N4BP1: variants seen among roughly 807,000 people sequenced by gnomAD.
N4BP1 encodes the protein NEDD4-binding protein 1.
In N4BP1, 21 loss-of-function variants were observed where a neutral mutation model predicts 70.9. That is an observed-to-expected ratio of 0.30 (90% CI 0.21 to 0.43). N4BP1 has a LOEUF of 0.43. Ranked by LOEUF, N4BP1 falls within the 20% of genes least tolerant of loss-of-function variation. The probability of loss-of-function intolerance (pLI) is 1.00; values close to 1 mark genes in which losing one functional copy is unlikely to be tolerated. For missense variants in N4BP1, 936 were observed against 1,069.4 expected (o/e 0.88, Z 1.74); for synonymous variants, 387 against 394.6 (o/e 0.98, Z 0.23).
intron 2 of N4BP1, among the ~76,000 whole-genome samples, chr16:48,558,741 C>A (rs1963796190): frequency 6.6e-6 from 1 of 152,250 alleles, no homozygotes; most frequent in Non-Finnish European, 1.5e-5. Flanking sequence ...TTGTTCCGGG[C>A]TTGGGGTGTG....
At position 48,540,598 on chromosome 16, in the gene N4BP1, C is replaced by A. The variant is rs1367775060; in HGVS notation, c.*2306G>T. 2 of 152,390 alleles carry A rather than the reference C, an allele frequency of 1.3e-5. No homozygotes were observed. Among genetic ancestry groups the A allele is most frequent in the Non-Finnish European group, 2.9e-5 (2 of 68,152 alleles). The allele number at this position is 152,390 out of a possible 1,614,324, so 9.4% of individuals were successfully genotyped here. A position where few individuals can be genotyped will look rare whatever the true frequency, so the allele number is the denominator to read the frequency against. ...GAAGAATGTAGGCCCAGGAATCACC[C>A]AGCCCCTCAGGACAACCTCTCTGAG... On this transcript the variant is annotated 3_prime_UTR_variant, in exon 7 of 7. Transcript: ENST00000262384.
intron 1 of N4BP1, chr16:48,577,491 C>T (rs1290886500): frequency 1.3e-5 from 2 of 156,154 alleles, no homozygotes; most frequent in Non-Finnish European, 2.9e-5. Context: ...TCTTAACAGG[C>T]ATAATTCACT....
At chr16:48,608,487 C>A (rs547152462) in intron 1 of N4BP1, among the ~76,000 whole-genome samples, 1 of 152,282 alleles carries the variant, frequency 6.6e-6, no homozygotes, top group Admixed American at 6.5e-5. Flanking sequence ...GCCCTTCCTG[C>A]CCACCCCGCA....
At chr16:48,606,296 A>G (rs1964581758) in intron 1 of N4BP1, among the ~76,000 whole-genome samples, 1 of 152,108 alleles carries the variant, frequency 6.6e-6, no homozygotes, top group Non-Finnish European at 1.5e-5. Flanking sequence ...CCTCATGCCC[A>G]AGGCTAACTT....
In N4BP1 at chr16:48,562,003, C is replaced by T; in HGVS notation, c.640G>A (p.Glu214Lys). Reference protein sequence around the residue: ...VIEMRDSQQTEFTQNAATGLN... With the variant: ...VIEMRDSQQTKFTQNAATGLN... ...CCTGTGGCAGCATTCTGTGTAAACT[C>T]TGTTTGTTGAGAATCTCTCATTTCA... Residue 214 changes from glutamate to lysine, a missense_variant, in exon 2 of 7, where the codon GAG becomes AAG. Coordinates refer to ENST00000262384, the MANE Select transcript of N4BP1 (RefSeq NM_153029.4). 6.2e-7 allele frequency: 1 copy of T among 1,613,900 alleles called. No individual in the cohort carries two copies. Among genetic ancestry groups the T allele is most frequent in the Non-Finnish European group, 8.5e-7 (1 of 1,179,882 alleles).
chr16:48,597,137 T>C (rs1361898807), intron 1 of N4BP1, among the ~76,000 whole-genome samples: 2 of 152,188 alleles, frequency 1.3e-5, no homozygotes, highest in African/African-American at 2.4e-5. Flanking sequence ...TATGGGGAAA[T>C]TGATTTGAGT....
At chr16:48,581,440 C>A (rs529771740) in intron 1 of N4BP1, among the ~76,000 whole-genome samples, 89 of 152,168 alleles carry the variant, frequency 5.8e-4, no homozygotes, top group African/African-American at 2.0e-3. Flanking sequence ...AAGACATCCA[C>A]ACTAGAAAGA....
intron 1 of N4BP1, among the ~76,000 whole-genome samples, chr16:48,580,136 T>C (rs1326565072): frequency 6.6e-6 from 1 of 151,710 alleles, no homozygotes; most frequent in Non-Finnish European, 1.5e-5. Context: ...ACAGAGACTA[T>C]AAAAATAGAA....
Position 48,540,470 on chromosome 16 carries a change from C to G in N4BP1, c.*2434G>C, listed in dbSNP as rs889517916. The G allele has an allele frequency of 6.6e-6, 1 of 152,414 alleles. No homozygotes were observed. The highest frequency in any genetic ancestry group is 1.5e-5 in the Non-Finnish European group (1 of 68,122). 9.4% of individuals were successfully genotyped at this position (152,414 alleles called of 1,614,324 possible). Reference sequence around the variant, plus strand: ...CCGGCCGCCCAGGATGGCCCAGACACCTTCTGTCTCCTGAATGCAGCCTAC... The same window carrying G: ...CCGGCCGCCCAGGATGGCCCAGACAGCTTCTGTCTCCTGAATGCAGCCTAC... On this transcript the variant is annotated 3_prime_UTR_variant, in exon 7 of 7. Coordinates refer to ENST00000262384, the MANE Select transcript of N4BP1 (RefSeq NM_153029.4).
At chr16:48,607,851 G>A (rs1383115420) in intron 1 of N4BP1, among the ~76,000 whole-genome samples, 2 of 140,306 alleles carry the variant, frequency 1.4e-5, no homozygotes, top group African/African-American at 5.4e-5. Context: ...CTACAATGCT[G>A]GCTTTCTGAT....
chr16:48,571,244 A>G (rs1223000670), intron 1 of N4BP1, among the ~76,000 whole-genome samples: 2 of 152,210 alleles, frequency 1.3e-5, no homozygotes, highest in South Asian at 4.1e-4. Context: ...AAAGTTGATC[A>G]TATCTCCTCC....
At chr16:48,586,638 AAGTAG>A (rs1964249841) in intron 1 of N4BP1, among the ~76,000 whole-genome samples, 1 of 152,198 alleles carries the variant, frequency 6.6e-6, no homozygotes, top group African/African-American at 2.4e-5. Flanking sequence ...TTCCATTGCT[AAGTAG>A]TATGCAACTC....
At chr16:48,587,365 G>GT (rs1297060848) in intron 1 of N4BP1, 1 of 152,192 alleles carries the variant, frequency 6.6e-6, no homozygotes, top group Non-Finnish European at 1.5e-5. Context: ...GGAACACAAT[G>GT]TAATGACTGA....
chr16:48,589,768 C>T (rs1195776189), intron 1 of N4BP1, among the ~76,000 whole-genome samples: 1 of 152,182 alleles, frequency 6.6e-6, no homozygotes, highest in Non-Finnish European at 1.5e-5. Context: ...ACTGGTGAAA[C>T]CACCTTTGCA....
At chr16:48,544,194 G>A (rs1963556455) in intron 6 of N4BP1, among the ~76,000 whole-genome samples, 1 of 152,174 alleles carries the variant, frequency 6.6e-6, no homozygotes, top group African/African-American at 2.4e-5. Flanking sequence ...CATGGCATTT[G>A]GGAATTAAGT....
intron 1 of N4BP1, 145 bp downstream of exon 1, chr16:48,609,630 G>A (rs1315849733): frequency 1.6e-6 from 1 of 642,858 alleles, no homozygotes; most frequent in Non-Finnish European, 2.2e-6. Context: ...TGGCTCGCGA[G>A]CCGAAAAGGC....
intron 1 of N4BP1, among the ~76,000 whole-genome samples, chr16:48,565,589 T>C (rs1220119554): frequency 2.0e-5 from 3 of 152,340 alleles, no homozygotes; most frequent in Middle Eastern, 3.4e-3. Flanking sequence ...TCTACAGTTT[T>C]CCTTTTTGGT....
rs966634631 is a variant in N4BP1 at position 48,542,813 on chromosome 16, C to T, written c.*91G>A. On this transcript the variant is annotated 3_prime_UTR_variant, in exon 7 of 7. Coordinates refer to ENST00000262384, the MANE Select transcript of N4BP1 (RefSeq NM_153029.4). ...TGCGTTTACACTGGGAAATAAGTTT[C>T]TTCACATTATGTTCATTCCCATCAG... The T allele has an allele frequency of 5.1e-5, 59 of 1,160,638 alleles. No homozygotes were observed. The highest frequency in any genetic ancestry group is 6.3e-5 in the Non-Finnish European group (53 of 839,734). The allele number at this position is 1,160,638 out of a possible 1,614,324, so 71.9% of individuals were successfully genotyped here.
Position 48,609,909 on chromosome 16 carries a change from G to A in N4BP1, c.64C>T (p.Gln22Ter). 6.9e-7 allele frequency: 1 copy of A among 1,454,620 alleles called. No homozygotes were observed. Among genetic ancestry groups the A allele is most frequent in the Non-Finnish European group, 9.1e-7 (1 of 1,101,660 alleles). 90.1% of individuals were successfully genotyped at this position (1,454,620 alleles called of 1,614,324 possible). ...AGGCCCTCGATACGGCCGCGGCTCT[G>A]CTCCAGCAGCTCCGCCTTCTCAGCT... ...APAEKAELLEQSRGRIEGLFG... is the reference protein window; with the variant it reads ...APAEKAELLE The change falls in exon 1 of 7, where the codon CAG becomes TAG. Residue 22 changes from glutamine to a stop codon, truncating the protein, a stop_gained. Transcript: ENST00000262384. LOFTEE classifies it high-confidence loss of function.
Sources: gnomAD v4.1 joint callset for allele counts (sites outside exome capture counted in the v4.1 genomes callset) on GRCh38, gnomAD v4.1.1 for gene constraint, MANE v1.5 for transcripts, NCBI Gene and HGNC (gene_info 2026-07-23, HGNC 2026-07-21) for gene names.